The following FOLR2 variants were observed in gnomAD, a reference collection of about 807,000 sequenced individuals.
FOLR2 encodes the protein folate receptor beta.
FOLR2 carries 14 observed loss-of-function variants against 20.4 expected under a neutral mutation model. That is an observed-to-expected ratio of 0.68 (90% confidence interval 0.45 to 1.07). FOLR2 has a LOEUF of 1.07. FOLR2 is among the 50% of genes least tolerant of loss of function. The probability of loss-of-function intolerance (pLI) is 0.00; values close to 1 mark genes in which losing one functional copy is unlikely to be tolerated. For missense variants in FOLR2, 269 were observed against 322.6 expected (o/e 0.83, Z 1.27); for synonymous variants, 114 against 114.3 (o/e 1.00, Z 0.02).
Position 72,221,067 on chromosome 11 carries a change from T to TCGGGGGGGGCGC in FOLR2, c.339+10_339+11insGGGGGGGGCGCC. ...GGCCCTGGATCCAGCAGGTAGGGTG[T>TCGGGGGGGGCGC]CTCCCCCCCACCCACCCCAGCAGAC... is the stretch of plus-strand genomic sequence containing the variant. On this transcript the variant is annotated intron_variant, in intron 3 of 4. Coordinates refer to ENST00000298223, the MANE Select transcript of FOLR2 (RefSeq NM_000803.5). 6.4e-7 allele frequency: 1 copy of TCGGGGGGGGCGC among 1,570,116 alleles called. No homozygotes were observed. The highest frequency in any genetic ancestry group is 8.7e-7 in the Non-Finnish European group (1 of 1,154,912).
intron 1 of FOLR2, among the ~76,000 whole-genome samples, chr11:72,217,782 C>T (rs1158811856): frequency 6.6e-6 from 1 of 152,134 alleles, no homozygotes; most frequent in Non-Finnish European, 1.5e-5. Flanking sequence ...GCACCAGTCA[C>T]CGGAGCAGTG....
rs749005366 is a variant in FOLR2 at position 72,216,877 on chromosome 11, G to A, written c.-73G>A. The A allele has an allele frequency of 2.5e-6, 4 of 1,599,280 alleles. No individual in the cohort carries two copies. The South Asian group carries it at 3.3e-5, about 13-fold the overall frequency. On this transcript the variant is annotated 5_prime_UTR_variant, in exon 1 of 5. Coordinates refer to ENST00000298223, the MANE Select transcript of FOLR2 (RefSeq NM_000803.5). ...GGATCTATTGCCTACTTAGAGAGAG[G>A]CCAACTCAGACACAGCCGTGTATGC...
chr11:72,220,956 C>T lies in FOLR2; in HGVS notation c.237C>T (p.Asn79=). 6.2e-7 allele frequency: 1 copy of T among 1,614,026 alleles called. No individual in the cohort carries two copies. The highest frequency in any genetic ancestry group is 8.5e-7 in the Non-Finnish European group (1 of 1,179,904). The change falls in exon 3 of 5, where the codon AAC becomes AAT. Residue 79 remains asparagine (N), a synonymous_variant. Transcript: ENST00000298223. The part of the protein sequence containing the change: ...HKDTSRLYNF[N]WDHCGKMEPA... ...ACACCTCCCGCCTGTACAACTTTAACTGGGACCACTGCGGCAAGATGGAGC... is the reference window on the plus strand; with the variant it reads ...ACACCTCCCGCCTGTACAACTTTAATTGGGACCACTGCGGCAAGATGGAGC...
In FOLR2 at chr11:72,221,067, T is replaced by TCGGGGGGGGGGGGC; in HGVS notation, c.339+10_339+11insGGGGGGGGGGGGCC. The TCGGGGGGGGGGGGC allele has an allele frequency of 3.1e-5, 48 of 1,569,508 alleles. No individual in the cohort carries two copies. Among genetic ancestry groups the TCGGGGGGGGGGGGC allele is most frequent in the Middle Eastern group, 1.7e-4 (1 of 5,848 alleles). On this transcript the variant is annotated intron_variant, in intron 3 of 4. Coordinates refer to ENST00000298223, the MANE Select transcript of FOLR2 (RefSeq NM_000803.5). ...GGCCCTGGATCCAGCAGGTAGGGTG[T>TCGGGGGGGGGGGGC]CTCCCCCCCACCCACCCCAGCAGAC...
rs138209906 is a variant in FOLR2, at chr11:72,221,594, C to T, written c.600C>T (p.Ser200=). The change falls in exon 5 of 5, where the codon AGC becomes AGT. Residue 200 remains serine, a synonymous_variant. Transcript: ENST00000298223. ...AGGTCAGCAACTACAGCCGAGGGAG[C>T]GGCCGCTGCATCCAGATGTGGTTTG... ...SYKVSNYSRG[S]GRCIQMWFDS... The T allele has an allele frequency of 6.2e-6, 10 of 1,614,086 alleles. No homozygotes were observed. In the African/African-American group the frequency reaches 9.3e-5, roughly 15 times the overall value.
At chr11:72,220,343 C>T (rs1948462794) in intron 2 of FOLR2, among the ~76,000 whole-genome samples, 1 of 152,214 alleles carries the variant, frequency 6.6e-6, no homozygotes, top group East Asian at 1.9e-4. Flanking sequence ...TTTAAAATTT[C>T]AGCAATTCCA....
At position 72,221,067 on chromosome 11, in the gene FOLR2, T is replaced by TCGGGGGGGGGGCCGCCCCCC; in HGVS notation, c.339+10_339+11insGGGGGGGGGGCCGCCCCCCC. On this transcript the variant is annotated intron_variant, in intron 3 of 4. Transcript: ENST00000298223. ...GGCCCTGGATCCAGCAGGTAGGGTG[T>TCGGGGGGGGGGCCGCCCCCC]CTCCCCCCCACCCACCCCAGCAGAC... 1 of 1,570,112 alleles carries TCGGGGGGGGGGCCGCCCCCC rather than the reference T, an allele frequency of 6.4e-7. No homozygotes were observed. Among genetic ancestry groups the TCGGGGGGGGGGCCGCCCCCC allele is most frequent in the Non-Finnish European group, 8.7e-7 (1 of 1,154,908 alleles).
At chr11:72,217,183 C>A (rs184108606) in intron 1 of FOLR2, among the ~76,000 whole-genome samples, 205 of 152,254 alleles carry the variant, frequency 1.3e-3, no homozygotes, top group Middle Eastern at 6.8e-3. Context: ...CACCACCTCG[C>A]CTGGCTAATT....
rs773715246 is a variant in FOLR2 at position 72,221,069 on chromosome 11, T to TC, written c.339+18dup. On this transcript the variant is annotated intron_variant, in intron 3 of 4. Transcript: ENST00000298223. ...CCCTGGATCCAGCAGGTAGGGTGTC[T>TC]CCCCCCCACCCACCCCAGCAGACTG... 2.4e-4 allele frequency: 171 copies of TC among 726,146 alleles called. No homozygotes were observed. Among genetic ancestry groups the TC allele is most frequent in the Non-Finnish European group, 3.3e-4 (151 of 462,168 alleles). 45.0% of individuals were successfully genotyped at this position (726,146 alleles called of 1,614,324 possible).
At position 72,221,595 on chromosome 11, in the gene FOLR2, G is replaced by A. The variant is rs201476659; in HGVS notation, c.601G>A (p.Gly201Ser). Reference protein sequence around the residue: ...YKVSNYSRGSGRCIQMWFDSA... With the variant: ...YKVSNYSRGSSRCIQMWFDSA... ...GGTCAGCAACTACAGCCGAGGGAGC[G>A]GCCGCTGCATCCAGATGTGGTTTGA... The change falls in exon 5 of 5, where the codon GGC becomes AGC. Residue 201 changes from glycine (G) to serine (S), a missense_variant. Coordinates refer to ENST00000298223, the MANE Select transcript of FOLR2 (RefSeq NM_000803.5). The A allele has an allele frequency of 1.2e-4, 187 of 1,614,170 alleles. No individual in the cohort carries two copies. Among genetic ancestry groups the A allele is most frequent in the Middle Eastern group, 6.6e-4 (4 of 6,048 alleles).
At chr11:72,217,101 T>G (rs1213445774) in intron 1 of FOLR2, among the ~76,000 whole-genome samples, 176 bp downstream of exon 1, 1 of 152,198 alleles carries the variant, frequency 6.6e-6, no homozygotes, top group Non-Finnish European at 1.5e-5. Flanking sequence ...CTTGGCTCAC[T>G]GCAACCTCTG....
Position 72,221,067 on chromosome 11 carries a change from T to TCGGGGGGGGGGGGGGGGCGCCCCCCCCC in FOLR2, c.339+10_339+11insGGGGGGGGGGGGGGGGCGCCCCCCCCCC. The TCGGGGGGGGGGGGGGGGCGCCCCCCCCC allele has an allele frequency of 6.4e-7, 1 of 1,570,120 alleles. No individual in the cohort carries two copies. Among genetic ancestry groups the TCGGGGGGGGGGGGGGGGCGCCCCCCCCC allele is most frequent in the Non-Finnish European group, 8.7e-7 (1 of 1,154,916 alleles). Reference sequence around the variant, plus strand: ...GGCCCTGGATCCAGCAGGTAGGGTGTCTCCCCCCCACCCACCCCAGCAGAC... The same window carrying TCGGGGGGGGGGGGGGGGCGCCCCCCCCC: ...GGCCCTGGATCCAGCAGGTAGGGTGTCGGGGGGGGGGGGGGGGCGCCCCCCCCCCTCCCCCCCACCCACCCCAGCAGAC... On this transcript the variant is annotated intron_variant, in intron 3 of 4. Coordinates refer to ENST00000298223, the MANE Select transcript of FOLR2 (RefSeq NM_000803.5).
In FOLR2 at chr11:72,221,067, T is replaced by TCGGGGGGGGGGGGCC; in HGVS notation, c.339+10_339+11insGGGGGGGGGGGGCCC. 2.5e-5 allele frequency: 40 copies of TCGGGGGGGGGGGGCC among 1,569,458 alleles called. No individual in the cohort carries two copies. Among genetic ancestry groups the TCGGGGGGGGGGGGCC allele is most frequent in the Non-Finnish European group, 3.1e-5 (36 of 1,154,300 alleles). On this transcript the variant is annotated intron_variant, in intron 3 of 4. Coordinates refer to ENST00000298223, the MANE Select transcript of FOLR2 (RefSeq NM_000803.5). ...GGCCCTGGATCCAGCAGGTAGGGTG[T>TCGGGGGGGGGGGGCC]CTCCCCCCCACCCACCCCAGCAGAC...
chr11:72,216,959 G>C (rs375389545), intron 1 of FOLR2, 34 bp downstream of exon 1: 159 of 1,597,550 alleles, frequency 1.0e-4, no homozygotes, highest in Non-Finnish European at 1.3e-4. Flanking sequence ...GGTGACAAGG[G>C]CAGTGGGGAG....
In FOLR2 at chr11:72,217,627, T is replaced by C. The variant is rs1565372791; in HGVS notation, c.-25+702T>C. Among the ~76,000 whole-genome samples the C allele has an allele frequency of 2.0e-5, 3 of 152,180 alleles. No homozygotes were observed. The East Asian group carries it at 5.8e-4, about 29-fold the overall frequency. ...AAGTGCTGGTCTGGCTGCTCCAACA[T>C]GGGAAACTTTCATGTTGTCTCTCAG... On this transcript the variant is annotated intron_variant, in intron 1 of 4. Transcript: ENST00000298223.
At position 72,221,662 on chromosome 11, in the gene FOLR2, A is replaced by G. The variant is rs1263857866; in HGVS notation, c.668A>G (p.Tyr223Cys). ...GNPNEEVARF[Y>C]AAAMHVNAGE... ...CCCAACGAGGAAGTGGCGAGGTTCT[A>G]TGCTGCAGCCATGCATGTGAATGCT... The change falls in exon 5 of 5, where the codon TAT (tyrosine) becomes TGT (cysteine). Residue 223 changes from tyrosine to cysteine, a missense_variant. By Grantham distance (194) the Tyr-to-Cys change is radical. Coordinates refer to ENST00000298223, the MANE Select transcript of FOLR2 (RefSeq NM_000803.5). The G allele has an allele frequency of 1.9e-6, 3 of 1,614,078 alleles. No homozygotes were observed. Among genetic ancestry groups the G allele is most frequent in the Admixed American group, 1.7e-5 (1 of 60,002 alleles).
rs770155864 is a variant in FOLR2 at position 72,220,939 on chromosome 11, C to T, written c.220C>T (p.Arg74Cys). ...CCAGGAGCTGCACAAGGACACCTCC[C>T]GCCTGTACAACTTTAACTGGGACCA... is the stretch of plus-strand genomic sequence containing the variant. The part of the protein sequence containing the change: ...TSQELHKDTS[R>C]LYNFNWDHCG... Residue 74 changes from arginine to cysteine, a missense_variant, in exon 3 of 5, where the codon CGC (arginine) becomes TGC (cysteine). Transcript: ENST00000298223. The T allele has an allele frequency of 5.6e-5, 90 of 1,613,862 alleles. No individual in the cohort carries two copies. Among genetic ancestry groups the T allele is most frequent in the South Asian group, 3.3e-5 (3 of 91,088 alleles).
chr11:72,219,464 C>A (rs1948447641), intron 2 of FOLR2, among the ~76,000 whole-genome samples: 1 of 152,106 alleles, frequency 6.6e-6, no homozygotes. Flanking sequence ...AGGAGAAACA[C>A]ACAGAAAGTA....
chr11:72,221,200 C>A lies in FOLR2; in HGVS notation c.364C>A (p.Arg122Ser). The change falls in exon 4 of 5, where the codon CGC (arginine) becomes AGC (serine). Residue 122 changes from arginine to serine, a missense_variant. Arg to Ser is a moderately radical substitution (Grantham distance 110). Coordinates refer to ENST00000298223, the MANE Select transcript of FOLR2 (RefSeq NM_000803.5). ...GGTGAATCAGAGCTGGCGCAAAGAACGCTTCCTGGATGTGCCCTTATGCAA... is the reference window on the plus strand; with the variant it reads ...GGTGAATCAGAGCTGGCGCAAAGAAAGCTTCCTGGATGTGCCCTTATGCAA... ...QQVNQSWRKE[R>S]FLDVPLCKED... The A allele has an allele frequency of 1.2e-6, 2 of 1,613,068 alleles. No individual in the cohort carries two copies. The highest frequency in any genetic ancestry group is 1.7e-5 in the Admixed American group (1 of 59,846).
Sources: allele counts gnomAD v4.1 joint callset (sites outside exome capture counted in the v4.1 genomes callset), GRCh38; gene constraint gnomAD v4.1.1; transcripts MANE v1.5; gene names NCBI Gene and HGNC (gene_info 2026-07-23, HGNC 2026-07-21).